PDE8A: variants seen among roughly 807,000 people sequenced by gnomAD.
The protein encoded by PDE8A is phosphodiesterase 8A.
A neutral mutation model predicts 105.0 loss-of-function variants in PDE8A; 59 were observed. The observed-to-expected ratio is 0.56, with a 90% confidence interval of 0.46 to 0.70. The LOEUF is 0.70. PDE8A is among the 30% of genes least tolerant of loss of function. The pLI, the probability that PDE8A is intolerant of heterozygous loss-of-function variation, is 0.00. For missense variants in PDE8A, 1,014 were observed against 1,045.9 expected (o/e 0.97, Z 0.42); for synonymous variants, 355 against 371.9 (o/e 0.95, Z 0.52).
chr15:85,053,576 G>T (rs1242449566), intron 1 of PDE8A, among the ~76,000 whole-genome samples: 9 of 152,054 alleles, frequency 5.9e-5, no homozygotes, highest in Non-Finnish European at 1.2e-4. Flanking sequence ...CTATTCTCTT[G>T]GAAGCAATTG....
At chr15:85,134,430 C>G (rs1264602579) in intron 20 of PDE8A, among the ~76,000 whole-genome samples, 4 of 152,364 alleles carry the variant, frequency 2.6e-5, no homozygotes, top group African/African-American at 9.6e-5. Flanking sequence ...ACCCCTTCCT[C>G]TCTATACCAT....
chr15:85,050,730 C>G (rs186606066), intron 1 of PDE8A, among the ~76,000 whole-genome samples: 1 of 152,228 alleles, frequency 6.6e-6, no homozygotes, highest in East Asian at 1.9e-4. Flanking sequence ...TGTAGTAAGT[C>G]ACAAAATCAG....
At chr15:85,107,445 G>T (rs2141585322) in intron 11 of PDE8A, among the ~76,000 whole-genome samples, 1 of 152,324 alleles carries the variant, frequency 6.6e-6, no homozygotes, top group South Asian at 2.1e-4. Context: ...AAGTTGAAAG[G>T]GATAAGGTTG....
In PDE8A at chr15:85,041,811, ACCTCCATCC is replaced by A. The variant is rs2080813228; in HGVS notation, c.187-22556_187-22548del. Among the ~76,000 whole-genome samples, 2 of 152,106 alleles carry A rather than the reference ACCTCCATCC, an allele frequency of 1.3e-5. 1 individual carries two copies. Among genetic ancestry groups the A allele is most frequent in the Admixed American group, 1.3e-4 (2 of 15,280 alleles). On this transcript the variant is annotated intron_variant, in intron 1 of 21. Coordinates refer to ENST00000394553, the MANE Select transcript of PDE8A (RefSeq NM_002605.3). The stretch of plus-strand genomic sequence containing the variant: ...GATGATTGTCCAAGGCTGGGGCCTC[ACCTCCATCC>A]CCATCCTAATGTCCCCCATCCTTGA...
Position 85,083,656 on chromosome 15 carries a change from A to T in PDE8A, c.635+12A>T. 1 of 1,577,628 alleles carries T rather than the reference A, an allele frequency of 6.3e-7. No homozygotes were observed. Among genetic ancestry groups the T allele is most frequent in the Non-Finnish European group, 8.7e-7 (1 of 1,146,904 alleles). ...CAACTGAAACTCAGGTAATTCTACC[A>T]CTTCTGGAAAGCCCTCCAGGCCATA... On this transcript the variant is annotated intron_variant, in intron 6 of 21. Coordinates refer to ENST00000394553, the MANE Select transcript of PDE8A (RefSeq NM_002605.3).
intron 6 of PDE8A, among the ~76,000 whole-genome samples, chr15:85,083,874 G>A (rs757389808): frequency 6.6e-6 from 1 of 152,080 alleles, no homozygotes; most frequent in Non-Finnish European, 1.5e-5. Flanking sequence ...CCAAATAATA[G>A]TAAGTTTAAA....
At chr15:85,061,751 G>A (rs917068485) in intron 1 of PDE8A, among the ~76,000 whole-genome samples, 2 of 152,024 alleles carry the variant, frequency 1.3e-5, no homozygotes, top group African/African-American at 2.4e-5. Context: ...GTTTCATGGT[G>A]TCCTTCAGGC....
At chr15:85,078,548 C>CAAAAAAAAAAAACAAAAAA (rs2081414518) in intron 5 of PDE8A, among the ~76,000 whole-genome samples, 1 of 94,346 alleles carries the variant, frequency 1.1e-5, no homozygotes, top group Non-Finnish European at 2.1e-5. Context: ...TACTCCATCT[C>CAAAAAAAAAAAACAAAAAA]AAAAAAAAAA....
chr15:84,981,101 G>A (rs922172677), upstream of PDE8A, among the ~76,000 whole-genome samples: 3 of 152,242 alleles, frequency 2.0e-5, no homozygotes, highest in South Asian at 2.1e-4. Context: ...ACCCCACCGA[G>A]GTCAAGTAGC....
intron 1 of PDE8A, among the ~76,000 whole-genome samples, chr15:85,057,407 G>T (rs1435124872): frequency 6.6e-6 from 1 of 152,230 alleles, no homozygotes; most frequent in Non-Finnish European, 1.5e-5. Context: ...TGCCCCCAGA[G>T]GTGGAGTCTA....
intron 1 of PDE8A, among the ~76,000 whole-genome samples, chr15:84,996,959 A>T (rs533864537): frequency 7.2e-5 from 11 of 151,898 alleles, no homozygotes; most frequent in African/African-American, 2.7e-4. Flanking sequence ...CTACGATATT[A>T]CTGTGTACTA....
intron 1 of PDE8A, among the ~76,000 whole-genome samples, chr15:85,050,252 A>G (rs2080952011): frequency 6.6e-6 from 1 of 152,078 alleles, no homozygotes; most frequent in Admixed American, 6.5e-5. Context: ...TACTTTTTCC[A>G]GTTCTGTGGA....
In PDE8A at chr15:85,060,594, A is replaced by G. The variant is rs201838869; in HGVS notation, c.187-3776A>G. On this transcript the variant is annotated intron_variant, in intron 1 of 21. Coordinates refer to ENST00000394553, the MANE Select transcript of PDE8A (RefSeq NM_002605.3). ...CTTGAGCATCCATAGATTTTCATAT[A>G]TATGGGTGTTCCTGGAACCAATTCC... 5.3e-5 allele frequency among the ~76,000 whole-genome samples: 8 copies of G among 152,354 alleles called. No individual in the cohort carries two copies. In the East Asian group the frequency reaches 1.3e-3, roughly 26 times the overall value.
intron 1 of PDE8A, among the ~76,000 whole-genome samples, chr15:84,982,819 T>C (rs1036753807): frequency 6.6e-6 from 1 of 152,266 alleles, no homozygotes; most frequent in East Asian, 1.9e-4. Flanking sequence ...GCTTTGCACA[T>C]GCAGTTGCAG....
intron 1 of PDE8A, among the ~76,000 whole-genome samples, chr15:85,026,933 G>A (rs1351907236): frequency 6.6e-6 from 1 of 152,112 alleles, no homozygotes; most frequent in African/African-American, 2.4e-5. Context: ...TCTTTCTGTG[G>A]TCTACAAAAA....
At chr15:84,999,402 C>T (rs182277167) in intron 1 of PDE8A, among the ~76,000 whole-genome samples, 1 of 152,278 alleles carries the variant, frequency 6.6e-6, no homozygotes, top group East Asian at 1.9e-4. Context: ...GGATTACAGG[C>T]GTGAGCCACC....
intron 6 of PDE8A, among the ~76,000 whole-genome samples, chr15:85,086,056 T>C (rs748658968): frequency 1.7e-4 from 26 of 151,422 alleles, no homozygotes; most frequent in Non-Finnish European, 3.2e-4. Flanking sequence ...TATGATTACA[T>C]GGCATTTTAA....
chr15:85,011,430 C>T (rs1468242996), intron 1 of PDE8A, among the ~76,000 whole-genome samples: 3 of 152,000 alleles, frequency 2.0e-5, no homozygotes, highest in Admixed American at 6.6e-5. Context: ...CTTTCGGGGC[C>T]CTAGCTTTTT....
At chr15:84,990,308 A>G (rs7174762) in intron 1 of PDE8A, among the ~76,000 whole-genome samples, 74,980 of 151,976 alleles carry the variant, frequency 0.49, 19,420 homozygotes, top group South Asian at 0.6. Flanking sequence ...GTATATGTCT[A>G]TGTACTATGA....
Sources: gnomAD v4.1 joint callset for allele counts (sites outside exome capture counted in the v4.1 genomes callset) on GRCh38, gnomAD v4.1.1 for gene constraint, MANE v1.5 for transcripts, NCBI Gene and HGNC (gene_info 2026-07-23, HGNC 2026-07-21) for gene names.